PWWP2A: variants seen among roughly 807,000 people sequenced by gnomAD.
PWWP2A encodes the protein PWWP domain containing 2A.
Under a neutral mutation model 48.5 loss-of-function variants are expected in PWWP2A, and 18 were observed. The observed-to-expected ratio is 0.37, with a 90% CI of 0.26 to 0.55. The LOEUF (loss-of-function observed/expected upper bound fraction) is 0.55. Ranked by LOEUF, PWWP2A falls within the 20% of genes least tolerant of loss-of-function variation. The pLI, the probability that PWWP2A is intolerant of heterozygous loss-of-function variation, is 0.81. For missense variants in PWWP2A, 867 were observed against 976.4 expected (o/e 0.89, Z 1.49); for synonymous variants, 396 against 387.7 (o/e 1.02, Z -0.25).
the PWWP2A span, among the ~76,000 whole-genome samples, chr5:160,045,497 CACACACACACACACACA>C: frequency 8.0e-3 from 913 of 114,676 alleles, 27 homozygotes; most frequent in East Asian, 0.013. Context: ...CACACACACA[CACACACACACACACACA>C]TACACACTCT....
intron 5 of PWWP2A, among the ~76,000 whole-genome samples, chr5:160,062,467 G>A (rs757054181): frequency 1.1e-4 from 17 of 152,204 alleles, no homozygotes; most frequent in Admixed American, 9.8e-4. Flanking sequence ...GCACACCTCC[G>A]TCTTTTGGGT....
At chr5:160,055,926 C>CT in the PWWP2A span, among the ~76,000 whole-genome samples, 1 of 152,214 alleles carries the variant, frequency 6.6e-6, no homozygotes, top group Non-Finnish European at 1.5e-5. Flanking sequence ...TCTCAGCTCT[C>CT]TATTTGGACA....
chr5:160,107,253 G>A (rs1279495459), intron 1 of PWWP2A, among the ~76,000 whole-genome samples: 1 of 152,180 alleles, frequency 6.6e-6, no homozygotes, highest in East Asian at 1.9e-4. Flanking sequence ...GAATCACTTT[G>A]TTTAAAATGC....
downstream of PWWP2A, among the ~76,000 whole-genome samples, chr5:160,073,153 C>CATTG (rs1280577153): frequency 4.0e-5 from 6 of 151,736 alleles, no homozygotes; most frequent in Non-Finnish European, 7.4e-5. Context: ...TGTCAAAGGT[C>CATTG]ATTGATAGAA....
chr5:160,094,547 C>T (rs920504373), intron 1 of PWWP2A, among the ~76,000 whole-genome samples: 6 of 152,208 alleles, frequency 3.9e-5, no homozygotes, highest in Non-Finnish European at 8.8e-5. Flanking sequence ...CCCATCTCAA[C>T]TTTATTGGTT....
At chr5:160,047,758 C>G in the PWWP2A span, among the ~76,000 whole-genome samples, 1 of 152,198 alleles carries the variant, frequency 6.6e-6, no homozygotes, top group African/African-American at 2.4e-5. Context: ...GTTGGTCCCT[C>G]TTCCTGGCAC....
At chr5:160,117,581 C>T (rs1758266537) in intron 1 of PWWP2A, among the ~76,000 whole-genome samples, 1 of 151,746 alleles carries the variant, frequency 6.6e-6, no homozygotes, top group Non-Finnish European at 1.5e-5. Flanking sequence ...CGCTTGAACC[C>T]AGGAGGCGGA....
chr5:160,045,499 C>T, the PWWP2A span, among the ~76,000 whole-genome samples: 14 of 114,690 alleles, frequency 1.2e-4, no homozygotes, highest in Admixed American at 4.5e-4. Flanking sequence ...CACACACACA[C>T]ACACACACAC....
chr5:160,067,544 C>G (rs961170649), intron 2 of PWWP2A, among the ~76,000 whole-genome samples: 2 of 152,122 alleles, frequency 1.3e-5, no homozygotes, highest in Non-Finnish European at 2.9e-5. Flanking sequence ...ACCATTGCCA[C>G]GAGTGTAGAG....
At chr5:160,072,535 T>G (rs369400779), downstream of PWWP2A, among the ~76,000 whole-genome samples, 25 of 152,188 alleles carry the variant, frequency 1.6e-4, no homozygotes, top group African/African-American at 5.3e-4. Context: ...TAGAACTACC[T>G]GGATAACAGA....
intron 1 of PWWP2A, among the ~76,000 whole-genome samples, chr5:160,096,636 A>G (rs1390761997): frequency 6.6e-6 from 1 of 152,098 alleles, no homozygotes; most frequent in East Asian, 1.9e-4. Context: ...TGATTTATAA[A>G]ATTTTTTTAT....
At chr5:160,057,037 G>A (rs1448265095), downstream of PWWP2A, among the ~76,000 whole-genome samples, 1 of 151,710 alleles carries the variant, frequency 6.6e-6, no homozygotes, top group Non-Finnish European at 1.5e-5. This position sits in a 1 kb window ranked among gnomAD's most constrained non-coding sequence, Gnocchi z 4.4. Flanking sequence ...ATTACAGACT[G>A]TACACTTGCA....
At chr5:160,055,046 C>G in the PWWP2A span, among the ~76,000 whole-genome samples, 3 of 152,206 alleles carry the variant, frequency 2.0e-5, no homozygotes, top group African/African-American at 7.2e-5. Context: ...TGGTTCTTTG[C>G]ACATGAGTCA....
At chr5:160,104,355 CAGA>C (rs998520652) in intron 1 of PWWP2A, among the ~76,000 whole-genome samples, 2 of 151,534 alleles carry the variant, frequency 1.3e-5, no homozygotes, top group Non-Finnish European at 1.5e-5. Flanking sequence ...CGCTTGAGCC[CAGA>C]AGGTTAAGCC....
chr5:160,102,335 G>C (rs1756400506), intron 1 of PWWP2A, among the ~76,000 whole-genome samples: 1 of 148,248 alleles, frequency 6.7e-6, no homozygotes, highest in South Asian at 2.1e-4. Flanking sequence ...TTGAACCAAG[G>C]AGGCGAGTTT....
At chr5:160,064,650 T>TA (rs1753545267) in intron 4 of PWWP2A, among the ~76,000 whole-genome samples, 1 of 152,042 alleles carries the variant, frequency 6.6e-6, no homozygotes, top group African/African-American at 2.4e-5. Flanking sequence ...ACTGGCCAGT[T>TA]AGGACAGGAG....
chr5:160,064,721 G>A (rs1337247972), intron 4 of PWWP2A, among the ~76,000 whole-genome samples: 1 of 152,216 alleles, frequency 6.6e-6, no homozygotes, highest in East Asian at 1.9e-4. Context: ...CACAGGCTGA[G>A]GGTGGATGGC....
chr5:160,100,709 G>C (rs549524651), intron 1 of PWWP2A, among the ~76,000 whole-genome samples: 4 of 152,324 alleles, frequency 2.6e-5, no homozygotes, highest in African/African-American at 9.6e-5. Flanking sequence ...CTAAATCACG[G>C]AAGAGGTAAA....
chr5:160,049,678 T>C, the PWWP2A span: 66 of 1,542,434 alleles, frequency 4.3e-5, no homozygotes, highest in Middle Eastern at 2.2e-4. Flanking sequence ...ACCTAAAATT[T>C]TAAAAATATT....
Sources: allele counts gnomAD v4.1 joint callset (sites outside exome capture counted in the v4.1 genomes callset), GRCh38; gene constraint gnomAD v4.1.1; non-coding constraint Gnocchi (gnomAD v3.1); transcripts MANE v1.5; gene names NCBI Gene and HGNC (gene_info 2026-07-23, HGNC 2026-07-21).